COL19A1: variants seen among roughly 807,000 people sequenced by gnomAD.
The protein encoded by COL19A1 is collagen alpha-1(XIX) chain.
COL19A1 carries 159 observed loss-of-function variants against 190.2 expected under a neutral mutation model. The observed-to-expected ratio is 0.84, with a 90% confidence interval of 0.73 to 0.95. The LOEUF (loss-of-function observed/expected upper bound fraction) is 0.95, where lower values mean the gene tolerates loss of function less well. Ranked by LOEUF, COL19A1 falls within the 40% of genes least tolerant of loss-of-function variation. COL19A1 has a pLI of 0.00. For synonymous variants in COL19A1, 509 were observed against 458.9 expected, an observed-to-expected ratio of 1.11 and a Z score of -1.39; for missense variants, 1,418 against 1,431.9, an observed-to-expected ratio of 0.99 and a Z score of 0.16.
chr6:70,199,823 T>C (rs1767440408), intron 49 of COL19A1, 87 bp downstream of exon 49: 3 of 1,321,816 alleles, frequency 2.3e-6, no homozygotes, highest in Non-Finnish European at 3.1e-6. Flanking sequence ...AAAAAGTATG[T>C]ATGTATGTCC....
At chr6:70,023,033 A>C (rs2150105235) in intron 11 of COL19A1, among the ~76,000 whole-genome samples, 1 of 152,216 alleles carries the variant, frequency 6.6e-6, no homozygotes, top group Admixed American at 6.5e-5. Context: ...GATCCTTGGT[A>C]TATATTGTCA....
intron 6 of COL19A1, 83 bp from the exon 7 acceptor site, chr6:69,932,700 C>T (rs1176408431): frequency 5.7e-6 from 4 of 698,714 alleles, no homozygotes; most frequent in Admixed American, 5.9e-5. Context: ...CTTTTTCTTT[C>T]TGATTAAATT....
intron 16 of COL19A1, among the ~76,000 whole-genome samples, chr6:70,107,740 T>C (rs1489243681): frequency 6.6e-6 from 1 of 152,188 alleles, no homozygotes; most frequent in East Asian, 1.9e-4. Context: ...CATGAAGAGA[T>C]CCAAAAGTTA....
chr6:70,080,403 G>C (rs930833532), intron 15 of COL19A1, among the ~76,000 whole-genome samples: 4 of 152,162 alleles, frequency 2.6e-5, no homozygotes, highest in Non-Finnish European at 4.4e-5. Flanking sequence ...AGTTTTGCTA[G>C]GTTTTTCAAG....
chr6:70,046,579 T>C (rs78705712), intron 14 of COL19A1, among the ~76,000 whole-genome samples: 2,145 of 152,260 alleles, frequency 0.014, 55 homozygotes, highest in African/African-American at 0.049. Flanking sequence ...TCTGATTCAG[T>C]GCACTGGTGC....
In COL19A1 at chr6:70,174,079, T is replaced by G. The variant is rs183653402; in HGVS notation, c.2622+2062T>G. On this transcript the variant is annotated intron_variant, in intron 41 of 50. Transcript: ENST00000620364. ...GTGGGAAGATGTATTGGATGGAGTC[T>G]ACAAAAGTTGTTTTCTGATTGCTTA... Among the ~76,000 whole-genome samples, 405 of 152,278 alleles carry G rather than the reference T, an allele frequency of 2.7e-3. 2 individuals carry two copies. The highest frequency in any genetic ancestry group is 9.1e-3 in the African/African-American group (378 of 41,560).
At chr6:70,116,781 G>A (rs1216373495) in intron 16 of COL19A1, among the ~76,000 whole-genome samples, 1 of 152,162 alleles carries the variant, frequency 6.6e-6, no homozygotes, top group African/African-American at 2.4e-5. Context: ...TGTTCTTACA[G>A]AAAAGCGATT....
rs773244908 is a variant in COL19A1 at position 70,184,687 on chromosome 6, CT to C, written c.2776-9del. The C allele has an allele frequency of 1.6e-5, 25 of 1,576,914 alleles. No individual in the cohort carries two copies. The highest frequency in any genetic ancestry group is 5.4e-5 in the African/African-American group (4 of 73,672). On this transcript the variant is annotated splice_polypyrimidine_tract_variant and intron_variant, in intron 44 of 50. Coordinates refer to ENST00000620364, the MANE Select transcript of COL19A1 (RefSeq NM_001858.6). ...TAATGCAGAGTTAGAAATATTAATCCTTTTTTTCTTTATAGGGAATAAATGG... is the reference window on the plus strand; with the variant it reads ...TAATGCAGAGTTAGAAATATTAATCCTTTTTTCTTTATAGGGAATAAATGG...
At position 69,893,753 on chromosome 6, in the gene COL19A1, CAACT is replaced by C. The variant is rs1769524744; in HGVS notation, c.92-5191_92-5188del. 2.0e-5 allele frequency among the ~76,000 whole-genome samples: 3 copies of C among 152,120 alleles called. No individual in the cohort carries two copies. The South Asian group carries it at 6.2e-4, about 31-fold the overall frequency. On this transcript the variant is annotated intron_variant, in intron 2 of 50. Coordinates refer to ENST00000620364, the MANE Select transcript of COL19A1 (RefSeq NM_001858.6). ...TTTGTTTCCAGATCCAAGAGATAATCAACTAACAGCCAGGTACCCTTTTAGGTCT... is the reference window on the plus strand; with the variant it reads ...TTTGTTTCCAGATCCAAGAGATAATCAACAGCCAGGTACCCTTTTAGGTCT...
chr6:69,996,965 A>G (rs1195162258), intron 11 of COL19A1, among the ~76,000 whole-genome samples: 4 of 150,094 alleles, frequency 2.7e-5, no homozygotes, highest in East Asian at 2.0e-4. Flanking sequence ...CATATATAGT[A>G]TGTGTACATA....
At chr6:70,006,678 A>G (rs891081068) in intron 11 of COL19A1, among the ~76,000 whole-genome samples, 2 of 152,198 alleles carry the variant, frequency 1.3e-5, no homozygotes, top group African/African-American at 4.8e-5. Flanking sequence ...TTGTATAGTC[A>G]TAGATATATG....
At chr6:69,937,077 C>G (rs1038004254) in intron 8 of COL19A1, among the ~76,000 whole-genome samples, 167 bp downstream of exon 8, 12 of 152,228 alleles carry the variant, frequency 7.9e-5, no homozygotes, top group Admixed American at 3.9e-4. Flanking sequence ...GATAGGACTT[C>G]CTGGATTCTT....
At chr6:70,169,142 C>T (rs1339404118) in intron 40 of COL19A1, among the ~76,000 whole-genome samples, 1 of 151,996 alleles carries the variant, frequency 6.6e-6, no homozygotes, top group Non-Finnish European at 1.5e-5. Flanking sequence ...TATGTTTTGT[C>T]ATAAGGCTGC....
chr6:70,156,726 A>G lies in COL19A1; in HGVS notation c.2292+3A>G, dbSNP rs1365648922. 1 of 1,607,388 alleles carries G rather than the reference A, an allele frequency of 6.2e-7. No homozygotes were observed. Among genetic ancestry groups the G allele is most frequent in the Non-Finnish European group, 8.5e-7 (1 of 1,175,518 alleles). ...TACCTGGGGAGAAAGGCGATGAGGT[A>G]ACAGATTCTTTTCTGATTATATAGT... On this transcript the variant is annotated splice_donor_region_variant and intron_variant, in intron 34 of 50. Coordinates refer to ENST00000620364, the MANE Select transcript of COL19A1 (RefSeq NM_001858.6).
intron 14 of COL19A1, among the ~76,000 whole-genome samples, chr6:70,054,495 C>A (rs1355272114): frequency 6.6e-6 from 1 of 152,096 alleles, no homozygotes; most frequent in African/African-American, 2.4e-5. Context: ...GAATAAGTTG[C>A]CAGGTATGAA....
intron 14 of COL19A1, among the ~76,000 whole-genome samples, chr6:70,046,748 A>G (rs1779941342): frequency 6.6e-6 from 1 of 152,090 alleles, no homozygotes; most frequent in Admixed American, 6.6e-5. Context: ...TTCATTTCTC[A>G]GCAACTTGTT....
chr6:70,190,441 T>C (rs970936957), intron 48 of COL19A1, 60 bp downstream of exon 48: 3 of 1,114,530 alleles, frequency 2.7e-6, no homozygotes, highest in African/African-American at 3.1e-5. Context: ...CCACCTACTA[T>C]GGGGAATCCC....
rs778262575 is a variant in COL19A1, at chr6:70,149,738, A to G, written c.1928A>G (p.Gln643Arg). Residue 643 changes from glutamine (Q) to arginine (R), a missense_variant and splice_region_variant, in exon 28 of 51, where the codon CAG (glutamine) becomes CGG (arginine). Gln to Arg is a conservative substitution (Grantham distance 43). Coordinates refer to ENST00000620364, the MANE Select transcript of COL19A1 (RefSeq NM_001858.6). ...AQGPAGEPGI[Q>R]GPRGLPGLPG... ...GGACCAGCTGGAGAGCCAGGTATTC[A>G]GGTAAGCTATTTAACTAATTTTTTA... 6.2e-7 allele frequency: 1 copy of G among 1,613,656 alleles called. No homozygotes were observed. Among genetic ancestry groups the G allele is most frequent in the Non-Finnish European group, 8.5e-7 (1 of 1,179,754 alleles).
At chr6:69,881,847 A>C (rs1224496109) in intron 2 of COL19A1, among the ~76,000 whole-genome samples, 1 of 152,210 alleles carries the variant, frequency 6.6e-6, no homozygotes, top group East Asian at 1.9e-4. Flanking sequence ...TTAATTGAAA[A>C]TGTCAGCACA....
Sources: gnomAD v4.1 joint callset for allele counts (sites outside exome capture counted in the v4.1 genomes callset) on GRCh38, gnomAD v4.1.1 for gene constraint, MANE v1.5 for transcripts, NCBI Gene and HGNC (gene_info 2026-07-23, HGNC 2026-07-21) for gene names.